EPHA3: variants seen among roughly 807,000 people sequenced by gnomAD.
EPHA3 encodes the protein EPH receptor A3, also known as ephrin type-A receptor 3.
Under a neutral mutation model 107.1 loss-of-function variants are expected in EPHA3, and 42 were observed. That is an observed-to-expected ratio of 0.39 (90% CI 0.31 to 0.51). The LOEUF (loss-of-function observed/expected upper bound fraction) is 0.51, where lower values mean the gene tolerates loss of function less well. Among genes scored for constraint, EPHA3 ranks in the 20% least tolerant of loss-of-function variants. The probability of loss-of-function intolerance (pLI) is 0.78; values close to 1 mark genes in which losing one functional copy is unlikely to be tolerated. For synonymous variants in EPHA3, 461 were observed against 424.8 expected, an observed-to-expected ratio of 1.09 and a Z score of -1.05; for missense variants, 1,183 against 1,211.2, an observed-to-expected ratio of 0.98 and a Z score of 0.35.
intron 2 of EPHA3, among the ~76,000 whole-genome samples, chr3:89,191,367 C>T (rs1334363021): frequency 9.2e-5 from 14 of 151,574 alleles, no homozygotes; most frequent in Non-Finnish European, 2.1e-4. Context: ...AGTGCTGTGG[C>T]ACGATCTCGG....
chr3:89,407,435 T>A (rs1378780734), intron 8 of EPHA3, 64 bp downstream of exon 8: 5 of 1,301,438 alleles, frequency 3.8e-6, no homozygotes, highest in Non-Finnish European at 5.5e-6. Flanking sequence ...CACTGATTGC[T>A]GTTAAAATGT....
At chr3:89,413,789 C>T (rs1709198417) in intron 10 of EPHA3, among the ~76,000 whole-genome samples, 2 of 151,422 alleles carry the variant, frequency 1.3e-5, no homozygotes, top group African/African-American at 4.8e-5. Flanking sequence ...TGTGTTAAAG[C>T]TTTTTTTAAT....
At chr3:89,375,380 G>A (rs114392719) in intron 5 of EPHA3, among the ~76,000 whole-genome samples, 2,317 of 151,820 alleles carry the variant, frequency 0.015, 42 homozygotes, top group African/African-American at 0.053. Context: ...TGAAAACACA[G>A]GCAGGGGAGC....
rs540340711 is a variant in EPHA3 at position 89,359,551 on chromosome 3, T to C, written c.1306+17461T>C. On this transcript the variant is annotated intron_variant, in intron 5 of 16. Transcript: ENST00000336596. ...ACATGTAATACTGGTATTTACACACTATTTGCTGTATTTTTTAGCACTGTA... is the reference window on the plus strand; with the variant it reads ...ACATGTAATACTGGTATTTACACACCATTTGCTGTATTTTTTAGCACTGTA... 2.0e-5 allele frequency among the ~76,000 whole-genome samples: 3 copies of C among 150,328 alleles called. No individual in the cohort carries two copies. In the South Asian group the frequency reaches 6.3e-4, roughly 31 times the overall value.
rs1707628710 is a variant in EPHA3, at chr3:89,345,611, T to C, written c.1306+3521T>C. Among the ~76,000 whole-genome samples, 5 of 149,866 alleles carry C rather than the reference T, an allele frequency of 3.3e-5. No homozygotes were observed. In the Admixed American group the frequency reaches 3.3e-4, roughly 10 times the overall value. ...GAACACTTCAGTGACAATTTCTTTTTTTTTTTTCTTTTTTTTTTTTATACT... is the reference window on the plus strand; with the variant it reads ...GAACACTTCAGTGACAATTTCTTTTCTTTTTTTCTTTTTTTTTTTTATACT... On this transcript the variant is annotated intron_variant, in intron 5 of 16. Transcript: ENST00000336596.
At chr3:89,343,958 G>A (rs1707588478) in intron 5 of EPHA3, among the ~76,000 whole-genome samples, 1 of 152,096 alleles carries the variant, frequency 6.6e-6, no homozygotes, top group African/African-American at 2.4e-5. Context: ...AATGAGTACT[G>A]CAATACTGTT....
chr3:89,262,695 G>A (rs961372402), intron 3 of EPHA3, among the ~76,000 whole-genome samples: 3 of 152,226 alleles, frequency 2.0e-5, no homozygotes, highest in African/African-American at 7.2e-5. Flanking sequence ...ACTCCTAACA[G>A]GAGGGAGTGC....
intron 3 of EPHA3, among the ~76,000 whole-genome samples, chr3:89,214,869 T>C (rs982899878): frequency 2.6e-5 from 4 of 152,064 alleles, no homozygotes; most frequent in African/African-American, 9.6e-5. Context: ...GAAAGCATGA[T>C]TTAGGAAATA....
chr3:89,137,467 TA>T (rs1211439079), intron 2 of EPHA3, among the ~76,000 whole-genome samples: 1 of 152,010 alleles, frequency 6.6e-6, no homozygotes, highest in Non-Finnish European at 1.5e-5. Flanking sequence ...ATTTAGTCTA[TA>T]AAAACTATGG....
At chr3:89,294,170 A>G (rs1706288070) in intron 3 of EPHA3, among the ~76,000 whole-genome samples, 2 of 152,120 alleles carry the variant, frequency 1.3e-5, no homozygotes, top group Admixed American at 6.6e-5. Flanking sequence ...TACAAATTTT[A>G]TAGTTTTAGG....
chr3:89,382,980 T>G (rs1708541732), intron 5 of EPHA3, among the ~76,000 whole-genome samples: 1 of 152,236 alleles, frequency 6.6e-6, no homozygotes, highest in African/African-American at 2.4e-5. Flanking sequence ...TCAGAGTAAC[T>G]TCATATATTG....
chr3:89,203,324 T>TAAAAA (rs138552890), intron 2 of EPHA3, among the ~76,000 whole-genome samples: 1 of 138,374 alleles, frequency 7.2e-6, no homozygotes, highest in African/African-American at 2.7e-5. Context: ...TAGCCGGAAT[T>TAAAAA]AAAAAAAAAA....
rs560346488 is a variant in EPHA3, at chr3:89,404,014, T to C, written c.1595-3255T>C. Reference sequence around the variant, plus strand: ...TGTGGAATAAAGTTGAGTTTTAAAATTAGAGGATTTCATTGGATATTATTA... The same window carrying C: ...TGTGGAATAAAGTTGAGTTTTAAAACTAGAGGATTTCATTGGATATTATTA... On this transcript the variant is annotated intron_variant, in intron 7 of 16. Coordinates refer to ENST00000336596, the MANE Select transcript of EPHA3 (RefSeq NM_005233.6). Among the ~76,000 whole-genome samples the C allele has an allele frequency of 3.3e-5, 5 of 152,210 alleles. No homozygotes were observed. In the South Asian group the frequency reaches 1.0e-3, roughly 32 times the overall value.
At chr3:89,311,331 C>A (rs890423303) in intron 3 of EPHA3, among the ~76,000 whole-genome samples, 4 of 151,974 alleles carry the variant, frequency 2.6e-5, no homozygotes, top group Non-Finnish European at 5.9e-5. Context: ...AAGAAATGGA[C>A]TTTTTGGTGA....
chr3:89,219,717 T>G (rs1326105932), intron 3 of EPHA3, among the ~76,000 whole-genome samples: 1 of 44,020 alleles, frequency 2.3e-5, no homozygotes, highest in Non-Finnish European at 5.3e-5. Flanking sequence ...TTTGTTTTTT[T>G]TTTTTTTTTG....
intron 2 of EPHA3, among the ~76,000 whole-genome samples, chr3:89,129,798 G>A (rs1704167790): frequency 6.6e-6 from 1 of 151,820 alleles, no homozygotes; most frequent in South Asian, 2.1e-4. Flanking sequence ...AAAGGAAATA[G>A]ATACTTATAA....
chr3:89,171,785 T>C (rs1464764396), intron 2 of EPHA3, among the ~76,000 whole-genome samples: 5 of 152,162 alleles, frequency 3.3e-5, no homozygotes, highest in African/African-American at 1.2e-4. Context: ...CAAAGGTTCA[T>C]GGCCTGACTT....
At chr3:89,120,523 T>C (rs1044435061) in intron 1 of EPHA3, among the ~76,000 whole-genome samples, 1 of 152,230 alleles carries the variant, frequency 6.6e-6, no homozygotes, top group African/African-American at 2.4e-5. Flanking sequence ...TGTTCCATAA[T>C]AGTTTTGATA....
chr3:89,137,919 G>C (rs1351157824), intron 2 of EPHA3, among the ~76,000 whole-genome samples: 1 of 151,754 alleles, frequency 6.6e-6, no homozygotes, highest in African/African-American at 2.4e-5. Flanking sequence ...CAAAATTCTG[G>C]GCCCCAATCA....
Sources: gnomAD v4.1 joint callset for allele counts (sites outside exome capture counted in the v4.1 genomes callset) on GRCh38, gnomAD v4.1.1 for gene constraint, MANE v1.5 for transcripts, NCBI Gene and HGNC (gene_info 2026-07-23, HGNC 2026-07-21) for gene names.